The following OSBPL10 variants were observed in gnomAD, a reference collection of about 807,000 sequenced individuals.
OSBPL10 encodes the protein oxysterol binding protein like 10, also known as oxysterol-binding protein-related protein 10.
OSBPL10 carries 49 observed loss-of-function variants against 81.7 expected under a neutral mutation model. The ratio of observed to expected loss-of-function variants is 0.60; its 90% CI spans 0.48 to 0.76. The LOEUF (loss-of-function observed/expected upper bound fraction) is 0.76, where lower values mean the gene tolerates loss of function less well. OSBPL10 is among the 30% of genes least tolerant of loss of function. OSBPL10 has a pLI of 0.00. For missense variants in OSBPL10, 923 were observed against 987.8 expected, an observed-to-expected ratio of 0.93 and a Z score of 0.88; for synonymous variants, 419 against 383.6, an observed-to-expected ratio of 1.09 and a Z score of -1.08.
At chr3:31,781,085 T>C (rs926196158) in intron 4 of OSBPL10, among the ~76,000 whole-genome samples, 2 of 152,128 alleles carry the variant, frequency 1.3e-5, no homozygotes, top group Non-Finnish European at 2.9e-5. Flanking sequence ...GCTAACTGAA[T>C]ATAACAGCAT....
intron 4 of OSBPL10, among the ~76,000 whole-genome samples, chr3:31,820,619 A>G (rs978046335): frequency 1.3e-5 from 2 of 152,120 alleles, no homozygotes; most frequent in African/African-American, 4.8e-5. Context: ...AAATTTCAAC[A>G]TAAAGAAATA....
At chr3:31,698,707 C>T (rs747700762) in intron 7 of OSBPL10, among the ~76,000 whole-genome samples, 4 of 152,116 alleles carry the variant, frequency 2.6e-5, no homozygotes, top group South Asian at 2.1e-4. Context: ...CCATCCCCTC[C>T]GGCCAGAACA....
intron 1 of OSBPL10, among the ~76,000 whole-genome samples, chr3:32,057,333 A>T (rs1379832008): frequency 6.6e-6 from 1 of 152,070 alleles, no homozygotes; most frequent in African/African-American, 2.4e-5. Context: ...TGGGATCTAG[A>T]TCAGAACCCC....
chr3:31,920,679 A>C (rs1696888038), intron 1 of OSBPL10, among the ~76,000 whole-genome samples: 1 of 152,184 alleles, frequency 6.6e-6, no homozygotes, highest in Non-Finnish European at 1.5e-5. Context: ...AAATGTTGGA[A>C]GTGGGGCCTG....
chr3:32,046,266 A>C (rs1463576727), intron 2 of OSBPL10, among the ~76,000 whole-genome samples: 1 of 152,154 alleles, frequency 6.6e-6, no homozygotes, highest in Non-Finnish European at 1.5e-5. Context: ...CTTATATAAA[A>C]ATACTGCTTA....
intron 7 of OSBPL10, among the ~76,000 whole-genome samples, chr3:31,693,183 A>G (rs1052011821): frequency 2.0e-5 from 3 of 152,142 alleles, no homozygotes; most frequent in Non-Finnish European, 2.9e-5. Context: ...CCTGAGGTCC[A>G]TATCTCTGCC....
chr3:31,837,569 C>T (rs1445076863), intron 3 of OSBPL10, among the ~76,000 whole-genome samples: 2 of 150,556 alleles, frequency 1.3e-5, no homozygotes, highest in African/African-American at 4.9e-5. Context: ...AACAAGAATT[C>T]CACTACCACT....
intron 1 of OSBPL10, among the ~76,000 whole-genome samples, chr3:31,887,865 C>T (rs1039839102): frequency 1.3e-5 from 2 of 152,098 alleles, no homozygotes; most frequent in Non-Finnish European, 2.9e-5. Context: ...ATGCAGTGGT[C>T]TTCTTACATC....
intron 4 of OSBPL10, among the ~76,000 whole-genome samples, chr3:31,776,528 A>G (rs1185548815): frequency 6.6e-6 from 1 of 152,222 alleles, no homozygotes; most frequent in Non-Finnish European, 1.5e-5. Context: ...CACTATTCAC[A>G]ATAGCCAAAG....
At chr3:31,745,632 C>T (rs1384091598) in intron 5 of OSBPL10, among the ~76,000 whole-genome samples, 28 of 152,188 alleles carry the variant, frequency 1.8e-4, no homozygotes, top group Non-Finnish European at 1.5e-5. Context: ...ACGCCTGCCA[C>T]AGTGGAAAGA....
At chr3:31,741,956 A>T (rs888047829) in intron 5 of OSBPL10, among the ~76,000 whole-genome samples, 1 of 152,226 alleles carries the variant, frequency 6.6e-6, no homozygotes, top group Admixed American at 6.5e-5. Flanking sequence ...TTCTGCCATA[A>T]TTGTGAGCCC....
chr3:31,837,356 TATATATATATATATATATAGTA>T (rs1307333999), intron 3 of OSBPL10, among the ~76,000 whole-genome samples: 398 of 34,988 alleles, frequency 0.011, 7 homozygotes, highest in South Asian at 0.079. Flanking sequence ...TATATATATA[TATATATATATATATATATAGTA>T]AGTAACATAA....
chr3:31,858,713 T>C (rs573687118), intron 3 of OSBPL10, among the ~76,000 whole-genome samples: 1 of 152,314 alleles, frequency 6.6e-6, no homozygotes, highest in South Asian at 2.1e-4. Context: ...GAAAGTGAGA[T>C]GGGAGCCACT....
chr3:31,987,978 G>A (rs1314055591), intron 2 of OSBPL10, among the ~76,000 whole-genome samples: 2 of 152,226 alleles, frequency 1.3e-5, no homozygotes, highest in East Asian at 1.9e-4. Flanking sequence ...AGGGAAGGAT[G>A]ATTAAGAGGG....
At chr3:31,895,134 C>CTTTTTTTTTTT (rs10529845) in intron 1 of OSBPL10, among the ~76,000 whole-genome samples, 276 of 124,836 alleles carry the variant, frequency 2.2e-3, no homozygotes, top group African/African-American at 4.2e-3. Context: ...TCTCTGCGGC[C>CTTTTTTTTTTT]TTTTTTTTTT....
intron 1 of OSBPL10, among the ~76,000 whole-genome samples, chr3:31,914,651 T>C (rs1018621307): frequency 6.6e-6 from 1 of 152,178 alleles, no homozygotes; most frequent in East Asian, 1.9e-4. Flanking sequence ...TTACCGCAAA[T>C]GAGGTGTTCT....
At chr3:31,980,828 TACAC>T (rs1282780788) in intron 1 of OSBPL10, 67 bp downstream of exon 1, 47 of 1,423,620 alleles carry the variant, frequency 3.3e-5, no homozygotes, top group South Asian at 8.6e-5. Flanking sequence ...CAGACACACA[TACAC>T]ACACGCACGC....
chr3:31,783,100 CAATATATCTAT>C (rs1698739777), intron 4 of OSBPL10, among the ~76,000 whole-genome samples: 1 of 123,912 alleles, frequency 8.1e-6, no homozygotes, highest in African/African-American at 3.5e-5. Context: ...ATATCTATAT[CAATATATCTAT>C]TATATATATA....
At chr3:31,861,271 C>T (rs181442556) in intron 3 of OSBPL10, among the ~76,000 whole-genome samples, 5 of 152,196 alleles carry the variant, frequency 3.3e-5, no homozygotes, top group Admixed American at 1.3e-4. Flanking sequence ...TCTAAGACAG[C>T]AAAATTCACA....
Sources: gnomAD v4.1 joint callset for allele counts (sites outside exome capture counted in the v4.1 genomes callset) on GRCh38, gnomAD v4.1.1 for gene constraint, MANE v1.5 for transcripts, NCBI Gene and HGNC (gene_info 2026-07-23, HGNC 2026-07-21) for gene names.